Variants in CLEC16A observed in about 807,000 individuals in gnomAD.
CLEC16A encodes the protein C-type lectin domain containing 16A.
Under a neutral mutation model 109.5 loss-of-function variants are expected in CLEC16A, and 51 were observed. The ratio of observed to expected loss-of-function variants is 0.47; its 90% CI spans 0.37 to 0.59. The LOEUF is 0.59. Ranked by LOEUF, CLEC16A falls within the 20% of genes least tolerant of loss-of-function variation. CLEC16A has a pLI of 0.00. For missense variants in CLEC16A, 1,339 were observed against 1,394.0 expected (o/e 0.96, Z 0.63); for synonymous variants, 673 against 564.2 (o/e 1.19, Z -2.73).
intron 19 of CLEC16A, among the ~76,000 whole-genome samples, chr16:11,067,157 T>TTTTTTTTTTGG (rs1049656144): frequency 1.9e-5 from 2 of 105,512 alleles, no homozygotes; most frequent in African/African-American, 8.0e-5. Context: ...GTTGTGGGGG[T>TTTTTTTTTTGG]TTTTTTTTTG....
intron 14 of CLEC16A, 106 bp from the exon 15 acceptor site, chr16:11,042,146 AGT>A (rs1259637667): frequency 2.8e-6 from 2 of 719,732 alleles, no homozygotes; most frequent in African/African-American, 3.5e-5. Context: ...AGCCATGAGC[AGT>A]TGGTCTATCA....
chr16:11,178,715 G>A lies in CLEC16A; in HGVS notation c.*25G>A, dbSNP rs11647285. On this transcript the variant is annotated 3_prime_UTR_variant, in exon 24 of 24. Coordinates refer to ENST00000409790, the MANE Select transcript of CLEC16A (RefSeq NM_015226.3). The surrounding 1 kb of genome is among the most constrained non-coding windows in gnomAD (Gnocchi z 6.5). ...AGTCAGTGCCGGGGCCTCCCTTTGTGTGTGTGGCCCCGCTGGTAGGGACCC... is the reference window on the plus strand; with the variant it reads ...AGTCAGTGCCGGGGCCTCCCTTTGTATGTGTGGCCCCGCTGGTAGGGACCC... 0.052 allele frequency: 74,963 copies of A among 1,438,540 alleles called. 2,285 individuals carry two copies. Among genetic ancestry groups the A allele is most frequent in the South Asian group, 0.1 (7,306 of 70,522 alleles). 89.1% of individuals were successfully genotyped at this position (1,438,540 alleles called of 1,614,324 possible). A position where few individuals can be genotyped will look rare whatever the true frequency, so the allele number is the denominator to read the frequency against.
chr16:11,013,244 G>A (rs2045547290), intron 11 of CLEC16A, among the ~76,000 whole-genome samples: 1 of 152,180 alleles, frequency 6.6e-6, no homozygotes, highest in African/African-American at 2.4e-5. Context: ...GTTATTCAAA[G>A]ATCTGCTGTA....
At chr16:11,063,006 C>T (rs2048569288) in intron 19 of CLEC16A, among the ~76,000 whole-genome samples, 1 of 152,046 alleles carries the variant, frequency 6.6e-6, no homozygotes, top group Non-Finnish European at 1.5e-5. Context: ...TCTCTCCTCC[C>T]CCTAGGAATG....
chr16:11,107,910 G>A (rs1290793791), intron 19 of CLEC16A, among the ~76,000 whole-genome samples: 1 of 152,198 alleles, frequency 6.6e-6, no homozygotes, highest in Non-Finnish European at 1.5e-5. Context: ...GACCACTTAG[G>A]CTTCCTCTCC....
intron 11 of CLEC16A, among the ~76,000 whole-genome samples, chr16:11,009,125 G>C (rs2045238604): frequency 6.6e-6 from 1 of 152,084 alleles, no homozygotes; most frequent in African/African-American, 2.4e-5. Context: ...CCCACCCTTT[G>C]ATGTTCTGTC....
intron 10 of CLEC16A, among the ~76,000 whole-genome samples, chr16:10,989,856 C>A (rs907283544): frequency 6.6e-6 from 1 of 152,174 alleles, no homozygotes; most frequent in African/African-American, 2.4e-5. Context: ...TGACTTAGCT[C>A]CCCTGGTCGC....
At chr16:11,139,056 G>T (rs1349108577) in intron 22 of CLEC16A, among the ~76,000 whole-genome samples, 1 of 150,232 alleles carries the variant, frequency 6.7e-6, no homozygotes, top group Non-Finnish European at 1.5e-5. Context: ...TTCCCTCCCC[G>T]AATGTTCTCT....
chr16:11,014,261 C>T (rs1445274311), intron 11 of CLEC16A, among the ~76,000 whole-genome samples: 2 of 152,234 alleles, frequency 1.3e-5, no homozygotes, highest in Non-Finnish European at 2.9e-5. Context: ...CCGGAAATTA[C>T]TCCATATCAT....
At position 10,973,048 on chromosome 16, in the gene CLEC16A, C is replaced by A; in HGVS notation, c.715C>A (p.Gln239Lys). The A allele has an allele frequency of 6.2e-7, 1 of 1,605,838 alleles. No individual in the cohort carries two copies. Among genetic ancestry groups the A allele is most frequent in the Non-Finnish European group, 8.5e-7 (1 of 1,175,844 alleles). ...SHVIELDDCV[Q>K]TDEEHRNRGK... ...TGTGATCGAACTCGATGACTGCGTG[C>A]AGACTGATGAGGAGTAAGTGACACC... The change falls in exon 7 of 24, where the codon CAG becomes AAG. Residue 239 changes from glutamine (Q) to lysine (K), a missense_variant. Transcript: ENST00000409790.
intron 11 of CLEC16A, among the ~76,000 whole-genome samples, chr16:11,015,878 G>A (rs1389868492): frequency 6.6e-6 from 1 of 152,236 alleles, no homozygotes; most frequent in African/African-American, 2.4e-5. Context: ...ACTTGCAGCT[G>A]TAGGGGAGGT....
At chr16:11,159,399 G>A (rs543712361) in intron 22 of CLEC16A, among the ~76,000 whole-genome samples, 3 of 152,308 alleles carry the variant, frequency 2.0e-5, no homozygotes, top group East Asian at 1.9e-4. Context: ...TTACATTACC[G>A]GGCTGGCCAG....
Position 10,990,489 on chromosome 16 carries a change from C to T in CLEC16A, c.1071+7498C>T, listed in dbSNP as rs76755805. On this transcript the variant is annotated intron_variant, in intron 10 of 23. Transcript: ENST00000409790. ...AGGGAGCAGGCTTTAGCCAGGGCCG[C>T]GGGTGACTGTGACCAAAGGCCCGGG... is the stretch of plus-strand genomic sequence containing the variant. 4.5e-3 allele frequency among the ~76,000 whole-genome samples: 685 copies of T among 152,322 alleles called. 5 individuals carry two copies. Among genetic ancestry groups the T allele is most frequent in the Middle Eastern group, 0.031 (9 of 294 alleles).
chr16:11,095,672 C>T (rs1312499794), intron 19 of CLEC16A, among the ~76,000 whole-genome samples: 1 of 151,984 alleles, frequency 6.6e-6, no homozygotes, highest in East Asian at 1.9e-4. Context: ...ATTAGCTGGG[C>T]GTGGTGGCAG....
chr16:11,015,932 G>C (rs1331648254), intron 11 of CLEC16A, among the ~76,000 whole-genome samples: 1 of 152,254 alleles, frequency 6.6e-6, no homozygotes, highest in Non-Finnish European at 1.5e-5. Context: ...GAGGCCAGAG[G>C]CTGGGAGACG....
chr16:11,139,103 A>G (rs190632808), intron 22 of CLEC16A, among the ~76,000 whole-genome samples: 30 of 152,296 alleles, frequency 2.0e-4, no homozygotes, highest in African/African-American at 7.0e-4. Flanking sequence ...GATGATCCCA[A>G]CTTCTGACCC....
intron 22 of CLEC16A, among the ~76,000 whole-genome samples, chr16:11,157,814 C>T (rs1470347320): frequency 6.6e-6 from 1 of 152,208 alleles, no homozygotes; most frequent in Non-Finnish European, 1.5e-5. Flanking sequence ...GCCCTGTGCC[C>T]TGTCTTCCTA....
At position 10,985,561 on chromosome 16, in the gene CLEC16A, T is replaced by C. The variant is rs542180297; in HGVS notation, c.1071+2570T>C. Among the ~76,000 whole-genome samples the C allele has an allele frequency of 1.1e-4, 16 of 146,872 alleles. No individual in the cohort carries two copies. In the South Asian group the frequency reaches 3.4e-3, roughly 32 times the overall value. ...GTCCCTCGGGACTTTTTTTTTTTTT[T>C]AGTTGCATGATTTCCAAGCCTGAGG... On this transcript the variant is annotated intron_variant, in intron 10 of 23. Coordinates refer to ENST00000409790, the MANE Select transcript of CLEC16A (RefSeq NM_015226.3).
chr16:11,106,494 T>G (rs1394880196), intron 19 of CLEC16A, among the ~76,000 whole-genome samples: 3 of 149,780 alleles, frequency 2.0e-5, no homozygotes, highest in Non-Finnish European at 4.4e-5. Context: ...GGTATTGCTA[T>G]GTTTCCCAGG....
Sources: gnomAD v4.1 joint callset for allele counts (sites outside exome capture counted in the v4.1 genomes callset) on GRCh38, gnomAD v4.1.1 for gene constraint, Gnocchi (gnomAD v3.1) non-coding constraint, MANE v1.5 for transcripts, NCBI Gene and HGNC (gene_info 2026-07-23, HGNC 2026-07-21) for gene names.